COA1: variants seen among roughly 807,000 people sequenced by gnomAD.
COA1 encodes the protein cytochrome c oxidase assembly factor 1 homolog.
In COA1, 13 loss-of-function variants were observed where a neutral mutation model predicts 16.0. The observed-to-expected ratio is 0.81, with a 90% CI of 0.53 to 1.29. The LOEUF is 1.29. Ranked by LOEUF, COA1 falls within the 50% of genes most tolerant of loss-of-function variation. COA1 has a pLI of 0.00. For missense variants in COA1, 179 were observed against 177.0 expected, an observed-to-expected ratio of 1.01 and a Z score of -0.06; for synonymous variants, 65 against 65.7, an observed-to-expected ratio of 0.99 and a Z score of 0.05.
At chr7:43,669,783 AC>A in intron 1 of COA1, among the ~76,000 whole-genome samples, 2 of 143,144 alleles carry the variant, frequency 1.4e-5, no homozygotes, top group Admixed American at 1.4e-4. Context: ...AAAAAAAAAA[AC>A]CATCACATCA....
At chr7:43,677,664 T>C (rs911633218) in intron 1 of COA1, among the ~76,000 whole-genome samples, 18 of 152,040 alleles carry the variant, frequency 1.2e-4, no homozygotes, top group African/African-American at 4.1e-4. Flanking sequence ...CTGGGTGTGG[T>C]GGTGCATGCC....
intron 1 of COA1, among the ~76,000 whole-genome samples, chr7:43,653,319 CA>C (rs954292010): frequency 4.0e-5 from 6 of 148,386 alleles, no homozygotes; most frequent in Admixed American, 1.3e-4. Flanking sequence ...CTCAAACAAA[CA>C]AAAAAAAAGT....
At chr7:43,651,734 C>T (rs917404036) in intron 1 of COA1, among the ~76,000 whole-genome samples, 6 of 150,506 alleles carry the variant, frequency 4.0e-5, no homozygotes, top group Non-Finnish European at 8.8e-5. Flanking sequence ...CGGTGGCTCA[C>T]GCCTGTAATC....
intron 1 of COA1, among the ~76,000 whole-genome samples, chr7:43,672,019 C>A (rs906296850): frequency 6.6e-6 from 1 of 152,108 alleles, no homozygotes; most frequent in East Asian, 1.9e-4. Flanking sequence ...GACTAATACA[C>A]TATGCATCCA....
chr7:43,676,465 A>T (rs1224179959), intron 1 of COA1, among the ~76,000 whole-genome samples: 1 of 152,212 alleles, frequency 6.6e-6, no homozygotes, highest in African/African-American at 2.4e-5. Flanking sequence ...AGATGGAACT[A>T]GAAGACATTA....
chr7:43,657,966 A>C (rs2091961715), intron 1 of COA1, among the ~76,000 whole-genome samples: 1 of 152,232 alleles, frequency 6.6e-6, no homozygotes, highest in Admixed American at 6.5e-5. Context: ...CGGAGGTTGC[A>C]GTGAGCCAAG....
In COA1 at chr7:43,618,141, GAAAC is replaced by G. The variant is rs995608083; in HGVS notation, c.*134-8650_*134-8647del. On this transcript the variant is annotated intron_variant and NMD_transcript_variant, in intron 6 of 6. Coordinates refer to the COA1 transcript ENST00000415076. ...CTAGAGGACCAATGTGATGGAGACA[GAAAC>G]AAACAGCTAACAGAACAATAGAGTA... 2.6e-5 allele frequency among the ~76,000 whole-genome samples: 4 copies of G among 152,190 alleles called. No homozygotes were observed. The East Asian group carries it at 7.7e-4, about 29-fold the overall frequency.
At chr7:43,728,254 G>C (rs559382175) in intron 1 of COA1, among the ~76,000 whole-genome samples, 1 of 152,174 alleles carries the variant, frequency 6.6e-6, no homozygotes, top group African/African-American at 2.4e-5. Context: ...GATTACAGGC[G>C]TGAGGCACCG....
chr7:43,714,628 T>C (rs967933893), intron 1 of COA1, among the ~76,000 whole-genome samples: 1 of 144,692 alleles, frequency 6.9e-6, no homozygotes, highest in Non-Finnish European at 1.5e-5. Flanking sequence ...AAACTCCATC[T>C]CAAAAAAAAA....
intron 1 of COA1, among the ~76,000 whole-genome samples, chr7:43,702,389 A>T (rs1374045752): frequency 6.6e-6 from 1 of 152,164 alleles, no homozygotes; most frequent in African/African-American, 2.4e-5. Flanking sequence ...AACGTTGTTG[A>T]AGATCAGATG....
At chr7:43,642,960 T>C (rs1208570501) in intron 4 of COA1, among the ~76,000 whole-genome samples, 2 of 152,234 alleles carry the variant, frequency 1.3e-5, no homozygotes, top group African/African-American at 4.8e-5. Context: ...GAAAGGACCC[T>C]GACAGAATGT....
intron 1 of COA1, among the ~76,000 whole-genome samples, chr7:43,701,116 C>A (rs900516259): frequency 1.2e-4 from 18 of 151,986 alleles, no homozygotes; most frequent in African/African-American, 4.1e-4. Context: ...TCTTTTTGAA[C>A]TTTTTAGGTC....
At chr7:43,672,789 AGAG>A (rs1464627102) in intron 1 of COA1, among the ~76,000 whole-genome samples, 2 of 147,398 alleles carry the variant, frequency 1.4e-5, no homozygotes, top group Non-Finnish European at 3.0e-5. Flanking sequence ...AAAAAAAAAA[AGAG>A]AGAGAGACAG....
At chr7:43,705,784 G>C (rs2094947239) in intron 1 of COA1, among the ~76,000 whole-genome samples, 2 of 152,246 alleles carry the variant, frequency 1.3e-5, no homozygotes, top group East Asian at 1.9e-4. Context: ...TGAGAATCAT[G>C]GGGTCTCCCA....
chr7:43,729,156 G>T (rs191809271), intron 1 of COA1, among the ~76,000 whole-genome samples: 40 of 152,312 alleles, frequency 2.6e-4, no homozygotes, highest in Admixed American at 5.9e-4. Flanking sequence ...GTGCTGTTGG[G>T]GATGGTCAGC....
At chr7:43,667,880 G>A (rs1296406456) in intron 1 of COA1, among the ~76,000 whole-genome samples, 1 of 152,152 alleles carries the variant, frequency 6.6e-6, no homozygotes, top group Non-Finnish European at 1.5e-5. Context: ...TTTAATAATT[G>A]AATAAGGTAT....
chr7:43,728,961 G>A (rs577680780), intron 1 of COA1, among the ~76,000 whole-genome samples: 12 of 152,310 alleles, frequency 7.9e-5, no homozygotes, highest in African/African-American at 2.9e-4. Flanking sequence ...TTTGCAGTCA[G>A]CCCCTGTTGG....
intron 1 of COA1, among the ~76,000 whole-genome samples, chr7:43,662,236 CTT>C (rs536488855): frequency 5.3e-5 from 8 of 152,068 alleles, no homozygotes; most frequent in Non-Finnish European, 7.4e-5. Context: ...TCATATATTT[CTT>C]TTTTATTTTG....
Position 43,639,669 on chromosome 7 carries a change from G to C in COA1, c.354C>G (p.Asp118Glu). The C allele has an allele frequency of 6.2e-7, 1 of 1,613,726 alleles. No homozygotes were observed. Among genetic ancestry groups the C allele is most frequent in the Non-Finnish European group, 8.5e-7 (1 of 1,179,664 alleles). ...CATCCTTGAGCTCTAAAAAGACCTC[G>C]TCAAGGTGCCACCTGAGAGAAACCA... ...RGGPFQRWHL[D>E]EVFLELKDGQ... The change falls in exon 6 of 6, where the codon GAC becomes GAG. Residue 118 changes from aspartate to glutamate, a missense_variant. By Grantham distance (45) the Asp-to-Glu change is conservative. Transcript: ENST00000223336.
Sources: gnomAD v4.1 joint callset for allele counts (sites outside exome capture counted in the v4.1 genomes callset) on GRCh38, gnomAD v4.1.1 for gene constraint, MANE v1.5 for transcripts, NCBI Gene and HGNC (gene_info 2026-07-23, HGNC 2026-07-21) for gene names.